The following ANTXR1 variants were observed in gnomAD, a reference collection of about 807,000 sequenced individuals.
The protein encoded by ANTXR1 is anthrax toxin receptor 1.
ANTXR1 carries 19 observed loss-of-function variants against 78.1 expected under a neutral mutation model. The ratio of observed to expected loss-of-function variants is 0.24; its 90% CI spans 0.17 to 0.36. The LOEUF (loss-of-function observed/expected upper bound fraction) is 0.36, where lower values mean the gene tolerates loss of function less well. ANTXR1 is among the 10% of genes least tolerant of loss of function. The probability of loss-of-function intolerance (pLI) is 1.00; values close to 1 mark genes in which losing one functional copy is unlikely to be tolerated. For synonymous variants in ANTXR1, 273 were observed against 260.5 expected (o/e 1.05, Z -0.46); for missense variants, 518 against 718.6 (o/e 0.72, Z 3.19).
At chr2:69,031,844 A>C (rs1671537567) in intron 1 of ANTXR1, among the ~76,000 whole-genome samples, 1 of 152,172 alleles carries the variant, frequency 6.6e-6, no homozygotes, top group Admixed American at 6.5e-5. Flanking sequence ...TCAAATGTTA[A>C]CTTTTTCCCC....
chr2:69,244,855 G>A (rs545087355), intron 17 of ANTXR1, among the ~76,000 whole-genome samples: 3 of 152,058 alleles, frequency 2.0e-5, no homozygotes, highest in East Asian at 1.9e-4. Context: ...AAGTAACTCC[G>A]CTTTTCTGAA....
chr2:69,228,253 G>A (rs1675511588), intron 17 of ANTXR1, among the ~76,000 whole-genome samples: 1 of 152,140 alleles, frequency 6.6e-6, no homozygotes, highest in African/African-American at 2.4e-5. Context: ...GTTGCTGCAG[G>A]GCACTGAAAT....
At chr2:69,153,500 G>A (rs944419410) in intron 13 of ANTXR1, among the ~76,000 whole-genome samples, 1 of 152,128 alleles carries the variant, frequency 6.6e-6, no homozygotes, top group Admixed American at 6.5e-5. Context: ...ACAAGTCTTG[G>A]GTTAATTAGG....
chr2:69,233,143 A>G (rs2104523353), intron 17 of ANTXR1, among the ~76,000 whole-genome samples: 1 of 152,288 alleles, frequency 6.6e-6, no homozygotes, highest in Middle Eastern at 3.4e-3. Flanking sequence ...ACTTTTAAAT[A>G]ACAGCATGTC....
chr2:69,174,140 T>C (rs1309703312), intron 14 of ANTXR1, among the ~76,000 whole-genome samples: 1 of 152,236 alleles, frequency 6.6e-6, no homozygotes, highest in African/African-American at 2.4e-5. Flanking sequence ...TAAAACATTG[T>C]ACTTTTTAGC....
rs748688611 is a variant in ANTXR1 at position 69,123,004 on chromosome 2, T to C, written c.803-13T>C. 6.2e-7 allele frequency: 1 copy of C among 1,613,666 alleles called. No individual in the cohort carries two copies. The highest frequency in any genetic ancestry group is 8.5e-7 in the Non-Finnish European group (1 of 1,179,630). On this transcript the variant is annotated splice_polypyrimidine_tract_variant and intron_variant, in intron 10 of 17. Coordinates refer to ENST00000303714, the MANE Select transcript of ANTXR1 (RefSeq NM_032208.3). ...ACCTCCCTCTTCTTAATCCAGTGAT[T>C]TCCTTTTTGCAGATGAGAAGCCCTT...
chr2:69,225,352 T>A (rs1675419778), intron 17 of ANTXR1, among the ~76,000 whole-genome samples: 5 of 152,130 alleles, frequency 3.3e-5, no homozygotes, highest in Admixed American at 3.3e-4. Flanking sequence ...CAGTGGCATA[T>A]GCCTGTAGTC....
intron 14 of ANTXR1, among the ~76,000 whole-genome samples, chr2:69,175,877 A>G (rs1328021686): frequency 6.6e-6 from 1 of 152,154 alleles, no homozygotes; most frequent in Admixed American, 6.5e-5. Context: ...CTCTGTGGCA[A>G]GAAATGTTTA....
At chr2:69,085,826 C>T (rs915217778) in intron 8 of ANTXR1, among the ~76,000 whole-genome samples, 4 of 152,292 alleles carry the variant, frequency 2.6e-5, no homozygotes, top group African/African-American at 9.6e-5. Context: ...ACTTAGGTGG[C>T]AGAACTCATA....
intron 12 of ANTXR1, among the ~76,000 whole-genome samples, chr2:69,135,459 T>G (rs1672883799): frequency 6.6e-6 from 1 of 152,152 alleles, no homozygotes; most frequent in Non-Finnish European, 1.5e-5. Flanking sequence ...CAGATTGTGT[T>G]TTTAAAATAT....
intron 17 of ANTXR1, among the ~76,000 whole-genome samples, chr2:69,203,754 C>CCAT (rs753212809): frequency 5.3e-4 from 81 of 151,602 alleles, no homozygotes; most frequent in Middle Eastern, 3.4e-3. Flanking sequence ...CTTATTATCA[C>CCAT]CATCATCATC....
chr2:69,152,853 T>C (rs552770986), intron 13 of ANTXR1, among the ~76,000 whole-genome samples: 163 of 152,216 alleles, frequency 1.1e-3, no homozygotes, highest in Non-Finnish European at 2.0e-3. Flanking sequence ...ACCTGCCTCC[T>C]CCCCATCAGT....
chr2:69,039,016 G>C (rs1050842363), intron 1 of ANTXR1, among the ~76,000 whole-genome samples: 1 of 152,114 alleles, frequency 6.6e-6, no homozygotes, highest in Non-Finnish European at 1.5e-5. Context: ...AATTGTAAAC[G>C]AGTGCATAAT....
intron 16 of ANTXR1, among the ~76,000 whole-genome samples, chr2:69,187,284 T>C (rs1674442043): frequency 6.6e-6 from 1 of 152,168 alleles, no homozygotes; most frequent in Admixed American, 6.5e-5. Flanking sequence ...TTCCCTGATA[T>C]TTAGCCTGCA....
At chr2:69,203,734 C>T (rs1046699009) in intron 17 of ANTXR1, among the ~76,000 whole-genome samples, 32 of 151,250 alleles carry the variant, frequency 2.1e-4, no homozygotes, top group African/African-American at 6.9e-4. Context: ...CACACACATT[C>T]CTCCTCCTCC....
intron 3 of ANTXR1, among the ~76,000 whole-genome samples, chr2:69,045,534 A>T (rs1435650587): frequency 6.6e-6 from 1 of 152,170 alleles, no homozygotes; most frequent in African/African-American, 2.4e-5. Flanking sequence ...CATGGGGAAC[A>T]CATGTGGGAT....
chr2:69,228,774 A>G (rs1347329236), intron 17 of ANTXR1, among the ~76,000 whole-genome samples: 2 of 152,172 alleles, frequency 1.3e-5, no homozygotes, highest in African/African-American at 4.8e-5. Flanking sequence ...ATGTTGTGGG[A>G]TAGGAAAAAG....
At position 69,075,684 on chromosome 2, in the gene ANTXR1, TG is replaced by T. The variant is rs1390496794; in HGVS notation, c.561+28del. 14 of 1,599,434 alleles carry T rather than the reference TG, an allele frequency of 8.8e-6. No homozygotes were observed. The East Asian group carries it at 1.1e-4, about 13-fold the overall frequency. The stretch of plus-strand genomic sequence containing the variant: ...GTATGGTAATGGATTTCCTCAGGTT[TG>T]GAGCATACTGAGCTTGTGAATCATG... On this transcript the variant is annotated intron_variant, in intron 7 of 17. Coordinates refer to ENST00000303714, the MANE Select transcript of ANTXR1 (RefSeq NM_032208.3).
intron 12 of ANTXR1, among the ~76,000 whole-genome samples, chr2:69,127,313 G>A (rs755277680): frequency 2.0e-5 from 3 of 152,148 alleles, no homozygotes; most frequent in Non-Finnish European, 4.4e-5. Context: ...GGCTATGGGA[G>A]TGTGGGGAAG....
Sources: gnomAD v4.1 joint callset for allele counts (sites outside exome capture counted in the v4.1 genomes callset) on GRCh38, gnomAD v4.1.1 for gene constraint, MANE v1.5 for transcripts, NCBI Gene and HGNC (gene_info 2026-07-23, HGNC 2026-07-21) for gene names.